Variants in UHRF2 observed in about 807,000 individuals in gnomAD.
UHRF2 encodes ubiquitin like with PHD and ring finger domains 2, also known as E3 ubiquitin-protein ligase UHRF2.
UHRF2 carries 23 observed loss-of-function variants against 96.8 expected under a neutral mutation model. The ratio of observed to expected loss-of-function variants is 0.24; its 90% confidence interval spans 0.17 to 0.34. UHRF2 has a LOEUF of 0.34. UHRF2 is among the 10% of genes least tolerant of loss of function. UHRF2 has a pLI of 1.00. For synonymous variants in UHRF2, 385 were observed against 332.6 expected, an observed-to-expected ratio of 1.16 and a Z score of -1.72; for missense variants, 685 against 981.5, an observed-to-expected ratio of 0.70 and a Z score of 4.04.
intron 3 of UHRF2, among the ~76,000 whole-genome samples, chr9:6,444,127 A>G (rs1418184472): frequency 6.6e-6 from 1 of 152,156 alleles, no homozygotes; most frequent in African/African-American, 2.4e-5. Context: ...TTTTGATGGG[A>G]GAGAGAGTAG....
intron 15 of UHRF2, among the ~76,000 whole-genome samples, chr9:6,505,073 A>G (rs1219329456): frequency 6.6e-6 from 1 of 152,102 alleles, no homozygotes; most frequent in African/African-American, 2.4e-5. Flanking sequence ...TGAATTGAAT[A>G]TTGTGTTTTC....
rs774012877 is a variant in UHRF2, at chr9:6,499,926, C to A, written c.2000C>A (p.Ser667Ter). The A allele has an allele frequency of 3.7e-6, 6 of 1,608,866 alleles. No homozygotes were observed. The highest frequency in any genetic ancestry group is 5.1e-6 in the Non-Finnish European group (6 of 1,176,364). Residue 667 changes from serine (S) to a stop codon, truncating the protein, a stop_gained, in exon 13 of 16, where the codon TCA (serine) becomes TAA (stop). Coordinates refer to ENST00000276893, the MANE Select transcript of UHRF2 (RefSeq NM_152896.3). LOFTEE classifies it high-confidence loss of function. ...QPSGTTKRPI[S>*]DDDCPSASKV... The stretch of plus-strand genomic sequence containing the variant: ...AGTGGAACCACAAAAAGGCCAATTT[C>A]AGATGGTAGGTAATGATTGCAAAAT...
intron 3 of UHRF2, among the ~76,000 whole-genome samples, chr9:6,437,391 C>T (rs1820914283): frequency 6.6e-6 from 1 of 152,098 alleles, no homozygotes. Flanking sequence ...TGCCACCACG[C>T]CTGGCTAACT....
In UHRF2 at chr9:6,433,941, G is replaced by A; in HGVS notation, c.412G>A (p.Val138Ile). Residue 138 changes from valine (V) to isoleucine (I), a missense_variant, in exon 3 of 16, where the codon GTC (valine) becomes ATC (isoleucine). Around this residue, in one of 6 missense-constraint regions of UHRF2, gnomAD observed 391 missense variants for 437.0 expected, o/e 0.89. Coordinates refer to ENST00000276893, the MANE Select transcript of UHRF2 (RefSeq NM_152896.3). Reference protein sequence around the residue: ...KVNELVDARDVGLGAWFEAHI... With the variant: ...KVNELVDARDIGLGAWFEAHI... ...AAATGAATTGGTGGATGCCAGAGATGTCGGCCTTGGTGCTTGGTTTGAAGC... is the reference window on the plus strand; with the variant it reads ...AAATGAATTGGTGGATGCCAGAGATATCGGCCTTGGTGCTTGGTTTGAAGC... The A allele has an allele frequency of 6.2e-7, 1 of 1,610,396 alleles. No individual in the cohort carries two copies. The highest frequency in any genetic ancestry group is 8.5e-7 in the Non-Finnish European group (1 of 1,177,010).
At chr9:6,473,363 T>C (rs762516595) in intron 4 of UHRF2, among the ~76,000 whole-genome samples, 3 of 152,252 alleles carry the variant, frequency 2.0e-5, no homozygotes, top group Non-Finnish European at 2.9e-5. Flanking sequence ...AGTCAGCATT[T>C]TATCTTTGTT....
At chr9:6,434,630 G>A (rs1168537778) in intron 3 of UHRF2, among the ~76,000 whole-genome samples, 1 of 151,836 alleles carries the variant, frequency 6.6e-6, no homozygotes, top group Non-Finnish European at 1.5e-5. Context: ...GTAGAGATGG[G>A]GTTTCATCAT....
chr9:6,449,548 T>C (rs890757146), intron 3 of UHRF2: 1 of 152,238 alleles, frequency 6.6e-6, no homozygotes, highest in Admixed American at 6.5e-5. Context: ...AAAAGGATTC[T>C]TTTTAGAGTT....
chr9:6,465,101 C>CA (rs1737844553), intron 4 of UHRF2, among the ~76,000 whole-genome samples: 1 of 152,098 alleles, frequency 6.6e-6, no homozygotes, highest in Admixed American at 6.5e-5. Context: ...CCCTGAATTA[C>CA]ATTGTTGAAA....
At chr9:6,453,516 A>G (rs1821995420) in intron 3 of UHRF2, among the ~76,000 whole-genome samples, 1 of 152,266 alleles carries the variant, frequency 6.6e-6, no homozygotes, top group South Asian at 2.1e-4. Flanking sequence ...TTAGAAAAGC[A>G]TTAAAAGATC....
chr9:6,476,835 C>G (rs966723089), intron 5 of UHRF2, among the ~76,000 whole-genome samples: 3 of 152,062 alleles, frequency 2.0e-5, no homozygotes, highest in Non-Finnish European at 2.9e-5. Context: ...GCTCGTGATC[C>G]GCCCAACCCA....
In UHRF2 at chr9:6,486,867, G is replaced by A; in HGVS notation, c.1439G>A (p.Gly480Asp). The change falls in exon 9 of 16, where the codon GGT becomes GAT. Residue 480 changes from glycine (G) to aspartate (D), a missense_variant. Coordinates refer to ENST00000276893, the MANE Select transcript of UHRF2 (RefSeq NM_152896.3). ...AGACCCCATGTTGGTGGAATTCATGGTCGAAGTAATGATGGGGCTTATTCT... is the reference window on the plus strand; with the variant it reads ...AGACCCCATGTTGGTGGAATTCATGATCGAAGTAATGATGGGGCTTATTCT... Reference protein sequence around the residue: ...VHRPHVGGIHGRSNDGAYSLV... With the variant: ...VHRPHVGGIHDRSNDGAYSLV... 1 of 1,614,158 alleles carries A rather than the reference G, an allele frequency of 6.2e-7. No homozygotes were observed. The highest frequency in any genetic ancestry group is 1.1e-5 in the South Asian group (1 of 91,080).
At chr9:6,440,776 A>G (rs912482682) in intron 3 of UHRF2, among the ~76,000 whole-genome samples, 5 of 152,228 alleles carry the variant, frequency 3.3e-5, no homozygotes, top group African/African-American at 1.2e-4. Flanking sequence ...TACTTAGACT[A>G]GTGTTCCTCA....
chr9:6,425,525 A>G (rs966713608), intron 2 of UHRF2, among the ~76,000 whole-genome samples: 6 of 151,656 alleles, frequency 4.0e-5, no homozygotes, highest in Middle Eastern at 3.2e-3. Context: ...GAGGCTGAGG[A>G]GGGTGGATCA....
In UHRF2 at chr9:6,489,869, A is replaced by G. The variant is rs180816332; in HGVS notation, c.1497+2944A>G. On this transcript the variant is annotated intron_variant, in intron 9 of 15. Coordinates refer to ENST00000276893, the MANE Select transcript of UHRF2 (RefSeq NM_152896.3). ...ATATAGTATGTTTTCAGACAAATAG[A>G]AAAGCGTGCTGGCTTTCTGAAAGGC... Among the ~76,000 whole-genome samples, 131 of 152,282 alleles carry G rather than the reference A, an allele frequency of 8.6e-4. 1 individual carries two copies. Among genetic ancestry groups the G allele is most frequent in the Admixed American group, 7.2e-4 (11 of 15,302 alleles).
At chr9:6,446,668 G>T (rs1233667185) in intron 3 of UHRF2, among the ~76,000 whole-genome samples, 1 of 151,746 alleles carries the variant, frequency 6.6e-6, no homozygotes, top group East Asian at 2.0e-4. Flanking sequence ...CCTGGCCAAC[G>T]TGGTGAAACC....
In UHRF2 at chr9:6,421,062, G is replaced by A; in HGVS notation, c.304G>A (p.Ala102Thr). ...CSNSPPKVKK[A>T]PRVGPSNQPS... ...TAATAGTCCACCTAAAGTAAAGAAA[G>A]CTCCGAGGGTAGGACCTTCCAATCA... Residue 102 changes from alanine (A) to threonine (T), a missense_variant, in exon 2 of 16, where the codon GCT becomes ACT. Physicochemically the swap from Ala to Thr is moderately conservative, Grantham distance 58 (BLOSUM62 0). Transcript: ENST00000276893. 6.2e-7 allele frequency: 1 copy of A among 1,614,124 alleles called. No individual in the cohort carries two copies. Among genetic ancestry groups the A allele is most frequent in the Non-Finnish European group, 8.5e-7 (1 of 1,180,020 alleles).
At chr9:6,484,785 C>CTTTTTTTTTTTTTTTTTTTTTTTT (rs34815980) in intron 8 of UHRF2, 1 of 66,278 alleles carries the variant, frequency 1.5e-5, no homozygotes, top group Non-Finnish European at 2.7e-5. Context: ...TCACTTCTTT[C>CTTTTTTTTTTTTTTTTTTTTTTTT]TTTTTTTTTT....
chr9:6,501,296 G>A (rs1816277484), intron 14 of UHRF2, among the ~76,000 whole-genome samples: 1 of 152,074 alleles, frequency 6.6e-6, no homozygotes, highest in Non-Finnish European at 1.5e-5. Flanking sequence ...CTTCAAATAT[G>A]AACTATCTCT....
At chr9:6,426,390 G>A (rs1053983204) in intron 2 of UHRF2, among the ~76,000 whole-genome samples, 3 of 152,096 alleles carry the variant, frequency 2.0e-5, no homozygotes, top group Non-Finnish European at 4.4e-5. Context: ...TTACATTAAG[G>A]TTCCCTTTCC....
Sources: gnomAD v4.1 joint callset for allele counts (sites outside exome capture counted in the v4.1 genomes callset) on GRCh38, gnomAD v4.1.1 for gene constraint, gnomAD v4.1.1 regional missense constraint, MANE v1.5 for transcripts, NCBI Gene and HGNC (gene_info 2026-07-23, HGNC 2026-07-21) for gene names.